Variants in ZNHIT1 observed in about 807,000 individuals in gnomAD.
ZNHIT1 encodes the protein zinc finger HIT domain-containing protein 1.
In ZNHIT1, 20 loss-of-function variants were observed where a neutral mutation model predicts 21.4. The observed-to-expected ratio is 0.93, with a 90% CI of 0.66 to 1.36. The LOEUF (loss-of-function observed/expected upper bound fraction) is 1.36. Among genes scored for constraint, ZNHIT1 ranks in the 40% most tolerant of loss-of-function variants. The pLI is 0.00. For synonymous variants in ZNHIT1, 79 were observed against 84.0 expected, an observed-to-expected ratio of 0.94 and a Z score of 0.32; for missense variants, 170 against 213.5, an observed-to-expected ratio of 0.80 and a Z score of 1.27.
chr7:101,219,729 TCA>T (rs1798341679), intron 1 of ZNHIT1: 1 of 152,236 alleles, frequency 6.6e-6, no homozygotes, highest in South Asian at 2.1e-4. Flanking sequence ...CTTGGCCCTC[TCA>T]GTTTTTCAAA....
chr7:101,218,232 G>T lies in ZNHIT1; in HGVS notation c.22+15G>T. ...GAAAACTTCGGGTATGTGAGCCCCCGCGGTTCGCCCCCTTCCCCTTCCCAA... is the reference window on the plus strand; with the variant it reads ...GAAAACTTCGGGTATGTGAGCCCCCTCGGTTCGCCCCCTTCCCCTTCCCAA... On this transcript the variant is annotated intron_variant, in intron 1 of 4. Coordinates refer to ENST00000305105, the MANE Select transcript of ZNHIT1 (RefSeq NM_006349.3). 6.2e-7 allele frequency: 1 copy of T among 1,611,878 alleles called. No homozygotes were observed. Among genetic ancestry groups the T allele is most frequent in the Admixed American group, 1.7e-5 (1 of 59,462 alleles).
At chr7:101,218,398 G>A (rs1299715793) in intron 1 of ZNHIT1, 181 bp downstream of exon 1, 2 of 654,720 alleles carry the variant, frequency 3.1e-6, no homozygotes, top group Admixed American at 3.3e-5. Flanking sequence ...CTCAGCCTCC[G>A]GAGTGGCTGG....
intron 1 of ZNHIT1, chr7:101,218,711 C>G (rs530655876): frequency 1.3e-5 from 2 of 159,858 alleles, no homozygotes; most frequent in South Asian, 1.7e-4. Context: ...CAAGCATTGG[C>G]TTTTTCTGGA....
In ZNHIT1 at chr7:101,224,064, G is replaced by A. The variant is rs1418325046; in HGVS notation, c.*106G>A. ...GGGAGCTCTTCCTGGACCAAGGGAGGAGCCGCTCATTCACCCAACAAAACT... is the reference window on the plus strand; with the variant it reads ...GGGAGCTCTTCCTGGACCAAGGGAGAAGCCGCTCATTCACCCAACAAAACT... On this transcript the variant is annotated 3_prime_UTR_variant, in exon 5 of 5. Transcript: ENST00000305105. The A allele has an allele frequency of 1.9e-6, 3 of 1,549,370 alleles. No homozygotes were observed. Among genetic ancestry groups the A allele is most frequent in the African/African-American group, 1.4e-5 (1 of 73,674 alleles).
At chr7:101,220,750 G>GT (rs1489075845) in intron 1 of ZNHIT1, 2 of 151,934 alleles carry the variant, frequency 1.3e-5, no homozygotes, top group Non-Finnish European at 2.9e-5. Flanking sequence ...GAGGAAAGAG[G>GT]TTTTTTGTTT....
rs763815543 is a variant in ZNHIT1, at chr7:101,222,777, G to GAGGC, written c.193+4_193+7dup. 74 of 1,612,306 alleles carry GAGGC rather than the reference G, an allele frequency of 4.6e-5. No homozygotes were observed. The East Asian group carries it at 1.5e-3, about 34-fold the overall frequency. On this transcript the variant is annotated splice_donor_region_variant and intron_variant, in intron 2 of 4. Transcript: ENST00000305105. ...GTTTGATGACGATGCGGACACTGGT[G>GAGGC]AGGCGGATGGAGGAGGAAGCGGGGG...
At position 101,218,408 on chromosome 7, in the gene ZNHIT1, G is replaced by A. The variant is rs994174556; in HGVS notation, c.22+191G>A. The A allele has an allele frequency of 3.9e-5, 24 of 620,504 alleles. 1 individual carries two copies. Among genetic ancestry groups the A allele is most frequent in the Non-Finnish European group, 5.8e-5 (21 of 360,020 alleles). The allele number at this position is 620,504 out of a possible 1,614,324, so 38.4% of individuals were successfully genotyped here. Reference sequence around the variant, plus strand: ...CCCACCTCAGCCTCCGGAGTGGCTGGAACTGCAAGCATGAGGCCCCACGCC... The same window carrying A: ...CCCACCTCAGCCTCCGGAGTGGCTGAAACTGCAAGCATGAGGCCCCACGCC... On this transcript the variant is annotated intron_variant, in intron 1 of 4. Coordinates refer to ENST00000305105, the MANE Select transcript of ZNHIT1 (RefSeq NM_006349.3).
intron 2 of ZNHIT1, 148 bp downstream of exon 2, chr7:101,222,922 T>C: frequency 3.0e-6 from 3 of 1,000,282 alleles, no homozygotes; most frequent in Non-Finnish European, 4.4e-6. Context: ...ACCCCCTTTC[T>C]GTGCCTCAGT....
chr7:101,219,911 G>A (rs757315358), intron 1 of ZNHIT1: 2 of 152,152 alleles, frequency 1.3e-5, no homozygotes, highest in Non-Finnish European at 2.9e-5. Context: ...TTTCTGTCCT[G>A]GGCTCTGCAG....
intron 1 of ZNHIT1, 85 bp downstream of exon 1, chr7:101,218,302 C>G: frequency 6.7e-7 from 1 of 1,489,314 alleles, no homozygotes. Context: ...CTTTTTTGGT[C>G]TCGCTCTTTC....
chr7:101,223,457 G>A lies in ZNHIT1; in HGVS notation c.194-20G>A, dbSNP rs774215057. ...TCTTTCTGGGCAAGTGCCAAGCAAC[G>A]GATCACCCTTGACCCCTAGGAAAGA... is the stretch of plus-strand genomic sequence containing the variant. On this transcript the variant is annotated intron_variant, in intron 2 of 4. Transcript: ENST00000305105. 1.2e-5 allele frequency: 20 copies of A among 1,613,576 alleles called. No individual in the cohort carries two copies. The highest frequency in any genetic ancestry group is 1.6e-5 in the Non-Finnish European group (19 of 1,179,804).
At chr7:101,222,320 G>A in intron 1 of ZNHIT1, 1 of 424,134 alleles carries the variant, frequency 2.4e-6, no homozygotes, top group Middle Eastern at 6.1e-4. Flanking sequence ...TCCCCAGTCA[G>A]CAGTGAGCTG....
rs755576564 is a variant in ZNHIT1 at position 101,223,721 on chromosome 7, CCCCCATCGCGG to C, written c.328_338del (p.Ser110AlafsTer114). 6.2e-7 allele frequency: 1 copy of C among 1,612,750 alleles called. No individual in the cohort carries two copies. The highest frequency in any genetic ancestry group is 1.1e-5 in the South Asian group (1 of 90,886). The stretch of plus-strand genomic sequence containing the variant: ...TAACTACCTGACGGCCTGTGCGGGA[CCCCCATCGCGG>C]CCCCAGCGCCCCTTCTGTGCTGTCT... On this transcript the variant is annotated frameshift_variant, in exon 4 of 5. Coordinates refer to ENST00000305105, the MANE Select transcript of ZNHIT1 (RefSeq NM_006349.3). LOFTEE classifies it high-confidence loss of function.
rs749784309 is a variant in ZNHIT1 at position 101,222,718 on chromosome 7, C to T, written c.137C>T (p.Ala46Val). 9.3e-6 allele frequency: 15 copies of T among 1,614,208 alleles called. No homozygotes were observed. Among genetic ancestry groups the T allele is most frequent in the East Asian group, 6.7e-5 (3 of 44,878 alleles). Residue 46 changes from alanine (A) to valine (V), a missense_variant, in exon 2 of 5, where the codon GCG becomes GTG. Physicochemically the swap from Ala to Val is moderately conservative, Grantham distance 64. Coordinates refer to ENST00000305105, the MANE Select transcript of ZNHIT1 (RefSeq NM_006349.3). ...GACAACTTCCAGGATGACCCCCACG[C>T]GGGACTCCCTCAGCTCGGCAAGAGA... ...ENDNFQDDPH[A>V]GLPQLGKRLP...
chr7:101,220,112 GT>G (rs10615658), intron 1 of ZNHIT1: 4,790 of 105,256 alleles, frequency 0.046, 23 homozygotes, highest in Non-Finnish European at 0.056. Context: ...TTGGTTTTGG[GT>G]TTTTTTTTTT....
At chr7:101,218,289 C>T in intron 1 of ZNHIT1, 72 bp downstream of exon 1, 1 of 1,545,706 alleles carries the variant, frequency 6.5e-7, no homozygotes, top group South Asian at 1.1e-5. Flanking sequence ...CCTAGTCATT[C>T]CTCTTTTTTG....
chr7:101,219,127 CAG>C (rs961269869), intron 1 of ZNHIT1: 3 of 151,728 alleles, frequency 2.0e-5, no homozygotes, highest in South Asian at 2.1e-4. Context: ...TTTTTTTAGA[CAG>C]AGTCTTGCTC....
chr7:101,223,420 A>T (rs1310254021), intron 2 of ZNHIT1, 57 bp from the exon 3 acceptor site: 1 of 1,592,626 alleles, frequency 6.3e-7, no homozygotes, highest in African/African-American at 1.3e-5. Context: ...GATGAACCAG[A>T]GAAAGCTGCT....
chr7:101,222,804 T>C (rs1444740451), intron 2 of ZNHIT1, 30 bp downstream of exon 2: 2 of 1,607,426 alleles, frequency 1.2e-6, no homozygotes, highest in East Asian at 2.2e-5. Flanking sequence ...AAGCGGGGGA[T>C]GGGACTGAGA....
Sources: allele counts gnomAD v4.1 joint callset, GRCh38; gene constraint gnomAD v4.1.1; transcripts MANE v1.5; gene names NCBI Gene and HGNC (gene_info 2026-07-23, HGNC 2026-07-21).